TMX2: variants seen among roughly 807,000 people sequenced by gnomAD.
TMX2 encodes the protein thioredoxin related transmembrane protein 2.
A neutral mutation model predicts 33.4 loss-of-function variants in TMX2; 20 were observed. The observed-to-expected ratio is 0.60, with a 90% CI of 0.42 to 0.87. The LOEUF (loss-of-function observed/expected upper bound fraction) is 0.87, where lower values mean the gene tolerates loss of function less well. Among genes scored for constraint, TMX2 ranks in the 40% least tolerant of loss-of-function variants. TMX2 has a pLI of 0.00. For missense variants in TMX2, 340 were observed against 370.7 expected (o/e 0.92, Z 0.68); for synonymous variants, 166 against 140.7 (o/e 1.18, Z -1.27).
intron 5 of TMX2, 41 bp downstream of exon 5, chr11:57,738,811 T>C (rs1053230065): frequency 4.4e-6 from 7 of 1,579,776 alleles, no homozygotes; most frequent in South Asian, 1.1e-5. Flanking sequence ...ATGGAGATGC[T>C]GTGCCTTCCC....
At chr11:57,729,191 C>A (rs569053175) in intron 1 of TMX2, among the ~76,000 whole-genome samples, 1 of 151,796 alleles carries the variant, frequency 6.6e-6, no homozygotes, top group East Asian at 1.9e-4. Flanking sequence ...CTTTTCGGGT[C>A]CTTCATAGGT....
intron 4 of TMX2, 85 bp downstream of exon 4, chr11:57,738,515 A>G: frequency 7.9e-7 from 1 of 1,268,946 alleles, no homozygotes; most frequent in Non-Finnish European, 1.2e-6. Context: ...GAGGAACAAC[A>G]GTGCTTCAAA....
intron 1 of TMX2, 60 bp from the exon 2 acceptor site, chr11:57,737,548 T>C: frequency 6.9e-7 from 1 of 1,441,708 alleles, no homozygotes; most frequent in Admixed American, 1.7e-5. Context: ...TAGTTCCCTT[T>C]CCCACCTAAG....
At chr11:57,722,210 C>T (rs1947680550) in intron 1 of TMX2, among the ~76,000 whole-genome samples, 1 of 152,114 alleles carries the variant, frequency 6.6e-6, no homozygotes, top group Admixed American at 6.6e-5. Flanking sequence ...CTGTGTTGCC[C>T]AGGCTGGTCT....
At chr11:57,718,300 A>G (rs61888876) in intron 1 of TMX2, 378,298 of 1,524,556 alleles carry the variant, frequency 0.25, 59,654 homozygotes, top group East Asian at 0.79. Flanking sequence ...TTCTCCCCAT[A>G]GATGGACTTG....
intron 1 of TMX2, among the ~76,000 whole-genome samples, chr11:57,729,230 A>G (rs1948198039): frequency 6.6e-6 from 1 of 152,190 alleles, no homozygotes; most frequent in Non-Finnish European, 1.5e-5. Flanking sequence ...GCCAGAATTG[A>G]TATAAAATGG....
At chr11:57,738,100 G>A in intron 3 of TMX2, 74 bp downstream of exon 3, 2 of 1,220,168 alleles carry the variant, frequency 1.6e-6, no homozygotes, top group Non-Finnish European at 2.3e-6. Context: ...GGAAACCACA[G>A]TCCCAACAGT....
At chr11:57,717,952 T>C in intron 1 of TMX2, 1 of 698,260 alleles carries the variant, frequency 1.4e-6, no homozygotes, top group Middle Eastern at 4.1e-4. Flanking sequence ...TCTAGGATAC[T>C]GCGAGCAAAT....
intron 1 of TMX2, among the ~76,000 whole-genome samples, chr11:57,736,402 G>C (rs1166673068): frequency 6.6e-6 from 1 of 151,982 alleles, no homozygotes; most frequent in Non-Finnish European, 1.5e-5. Flanking sequence ...AATTTGTGTT[G>C]GACCCCATTC....
At chr11:57,715,454 T>C (rs1946914532) in intron 1 of TMX2, among the ~76,000 whole-genome samples, 1 of 150,008 alleles carries the variant, frequency 6.7e-6, no homozygotes, top group Admixed American at 6.7e-5. Flanking sequence ...ATAATATATA[T>C]GTATTAATGT....
At chr11:57,733,152 G>A (rs954106926) in intron 1 of TMX2, among the ~76,000 whole-genome samples, 2 of 151,366 alleles carry the variant, frequency 1.3e-5, no homozygotes, top group African/African-American at 4.9e-5. Flanking sequence ...GTCATGATAC[G>A]GCACATGACT....
intron 1 of TMX2, chr11:57,718,437 T>C (rs1435159812): frequency 4.2e-6 from 5 of 1,197,908 alleles, no homozygotes; most frequent in Non-Finnish European, 5.0e-6. Flanking sequence ...AAGTTTTCTG[T>C]TGTCTTTGGA....
intron 1 of TMX2, among the ~76,000 whole-genome samples, chr11:57,734,716 C>T (rs1026355957): frequency 6.6e-6 from 1 of 151,668 alleles, no homozygotes; most frequent in Non-Finnish European, 1.5e-5. Context: ...GCATTGCACT[C>T]CAGCCTGGGC....
rs71061533 is a variant in TMX2 at position 57,723,805 on chromosome 11, AAATAATAATAATAAT to A, written c.189+11016_189+11030del. 5.0e-3 allele frequency among the ~76,000 whole-genome samples: 706 copies of A among 142,368 alleles called. 6 individuals are homozygous for A. Among genetic ancestry groups the A allele is most frequent in the Middle Eastern group, 0.011 (3 of 272 alleles). The allele number at this position is 142,368 out of a possible 152,430, so 93.4% of individuals were successfully genotyped here. On this transcript the variant is annotated intron_variant, in intron 1 of 7. Transcript: ENST00000278422. ...GTGACAGAGCAAGACTCTGTCTCAA[AAATAATAATAATAAT>A]AATAATAATAATAATAAGCTAAGAG... is the stretch of plus-strand genomic sequence containing the variant.
rs1398376742 is a variant in TMX2, at chr11:57,712,782, A to C, written c.164A>C (p.Asp55Ala). ...CACGGTCTGCCCACCCAACGCGAAG[A>C]CGGTAACCCGTGTGACTTTGACTGG... ...LCHGLPTQRE[D>A]GNPCDFDWRE... is the part of the protein sequence containing the mutation. The change falls in exon 1 of 8, where the codon GAC (aspartate) becomes GCC (alanine). Residue 55 changes from aspartate to alanine, a missense_variant. Around this residue, in one of 3 missense-constraint regions of TMX2, gnomAD observed 106 missense variants for 82.7 expected, o/e 1.28. Coordinates refer to ENST00000278422, the MANE Select transcript of TMX2 (RefSeq NM_015959.4). The C allele has an allele frequency of 8.1e-6, 13 of 1,613,950 alleles. No homozygotes were observed. The highest frequency in any genetic ancestry group is 1.0e-5 in the Non-Finnish European group (12 of 1,180,024).
intron 1 of TMX2, chr11:57,718,337 G>A: frequency 6.5e-7 from 1 of 1,547,806 alleles, no homozygotes. Context: ...GGCGTGTGAA[G>A]TCACCACCTG....
Position 57,738,738 on chromosome 11 carries a change from A to T in TMX2, c.516A>T (p.Ser172=). 6.2e-7 allele frequency: 1 copy of T among 1,614,108 alleles called. No homozygotes were observed. Among genetic ancestry groups the T allele is most frequent in the Non-Finnish European group, 8.5e-7 (1 of 1,180,002 alleles). ...FFANWSNDCQ[S]FAPIYADLSL... is the part of the protein sequence containing the mutation. ...CCAATTGGTCTAATGACTGCCAATCATTTGCCCCTATCTATGCTGACCTCT... is the reference window on the plus strand; with the variant it reads ...CCAATTGGTCTAATGACTGCCAATCTTTTGCCCCTATCTATGCTGACCTCT... The change falls in exon 5 of 8, where the codon TCA becomes TCT. Residue 172 remains serine (S), a synonymous_variant. Transcript: ENST00000278422.
At chr11:57,731,942 G>C (rs1030462213) in intron 1 of TMX2, among the ~76,000 whole-genome samples, 12 of 152,044 alleles carry the variant, frequency 7.9e-5, no homozygotes, top group Non-Finnish European at 1.6e-4. Context: ...TATAACAAGA[G>C]AAAAAGACTA....
chr11:57,735,258 G>T (rs544000589), intron 1 of TMX2, among the ~76,000 whole-genome samples: 1 of 151,548 alleles, frequency 6.6e-6, no homozygotes, highest in East Asian at 2.0e-4. Context: ...GCCCAGGCTG[G>T]AGTGCAGTGG....
Sources: allele counts gnomAD v4.1 joint callset (sites outside exome capture counted in the v4.1 genomes callset), GRCh38; gene constraint gnomAD v4.1.1; regional missense constraint gnomAD v4.1.1; transcripts MANE v1.5; gene names NCBI Gene and HGNC (gene_info 2026-07-23, HGNC 2026-07-21).